Variants in SRSF3 observed in about 807,000 individuals in gnomAD.
SRSF3 encodes the protein serine/arginine-rich splicing factor 3.
For synonymous variants in SRSF3, 87 were observed against 73.6 expected (o/e 1.18, Z -0.93); for missense variants, 58 against 217.1 (o/e 0.27, Z 4.61).
chr6:36,601,878 T>C, intron 5 of SRSF3, 84 bp downstream of exon 5: 1 of 1,593,722 alleles, frequency 6.3e-7, no homozygotes, highest in Non-Finnish European at 8.5e-7. Context: ...TTTTTTACCT[T>C]AAAGTTCTAT....
chr6:36,599,018 G>A (rs369731517), intron 3 of SRSF3, 35 bp downstream of exon 3: 27 of 1,609,894 alleles, frequency 1.7e-5, no homozygotes, highest in Non-Finnish European at 2.0e-5. Context: ...AGGTATTGGT[G>A]TAATGGAGTA....
intron 5 of SRSF3, 68 bp downstream of exon 5, chr6:36,601,862 C>G (rs781624741): frequency 5.6e-6 from 9 of 1,594,124 alleles, no homozygotes; most frequent in Non-Finnish European, 6.8e-6. Context: ...TCTTCTAAGC[C>G]ATAAATTTTT....
intron 2 of SRSF3, 160 bp downstream of exon 2, chr6:36,597,128 ACGAGTCT>A: frequency 3.2e-6 from 2 of 622,760 alleles, no homozygotes; most frequent in Admixed American, 7.1e-5. Context: ...TGGTGGGGAG[ACGAGTCT>A]TGCACTGTCA....
rs188708261 is a variant in SRSF3 at position 36,597,389 on chromosome 6, A to G, written c.206+421A>G. On this transcript the variant is annotated intron_variant, in intron 2 of 5. Coordinates refer to ENST00000373715, the MANE Select transcript of SRSF3 (RefSeq NM_003017.5). ...CCAAAGTGCTGGAATTACAGGTGGG[A>G]GCCACTGTGCCCAGCCAGGATCAAA... 2.4e-3 allele frequency among the ~76,000 whole-genome samples: 359 copies of G among 152,076 alleles called. 2 individuals carry two copies. The highest frequency in any genetic ancestry group is 7.5e-3 in the African/African-American group (311 of 41,458).
intron 3 of SRSF3, chr6:36,600,181 A>T (rs1778690818): frequency 9.4e-7 from 1 of 1,065,844 alleles, no homozygotes; most frequent in African/African-American, 1.7e-5. Flanking sequence ...ACTAAATCCA[A>T]CGCAACATCT....
intron 1 of SRSF3, among the ~76,000 whole-genome samples, chr6:36,595,285 T>A (rs1430912282): frequency 6.6e-6 from 1 of 152,170 alleles, no homozygotes; most frequent in Non-Finnish European, 1.5e-5. Flanking sequence ...CAAATACAAG[T>A]CCGCCAAGGA....
rs199746366 is a variant in SRSF3 at position 36,596,984 on chromosome 6, C to T, written c.206+16C>T. 8.0e-5 allele frequency: 129 copies of T among 1,610,512 alleles called. No individual in the cohort carries two copies. The highest frequency in any genetic ancestry group is 2.7e-4 in the Admixed American group (16 of 59,936). On this transcript the variant is annotated intron_variant, in intron 2 of 5. Transcript: ENST00000373715. ...TAGATGGAAGGTGATTTAATGATTA[C>T]GCTGATAAAAATGTGTTGCTTGTGT...
rs775227806 is a variant in SRSF3, at chr6:36,601,001, C to CTTTTTTTTTTTTTTTTTTTT, written c.342-145_342-126dup. 1.1e-3 allele frequency: 92 copies of CTTTTTTTTTTTTTTTTTTTT among 86,476 alleles called. 18 individuals carry two copies. Among genetic ancestry groups the CTTTTTTTTTTTTTTTTTTTT allele is most frequent in the South Asian group, 2.4e-3 (14 of 5,956 alleles). The allele number at this position is 86,476 out of a possible 1,614,324, so 5.4% of individuals were successfully genotyped here. ...GCCTTTTTTTTCTTTTCTTTTTTTT[C>CTTTTTTTTTTTTTTTTTTTT]TTTTTTTTTTTTTTTTTTTTTTTTT... On this transcript the variant is annotated intron_variant, in intron 3 of 5. Coordinates refer to ENST00000373715, the MANE Select transcript of SRSF3 (RefSeq NM_003017.5).
rs1188070436 is a variant in SRSF3, at chr6:36,603,563, T to A, written c.*1574T>A. The A allele has an allele frequency of 4.4e-6, 1 of 227,930 alleles. No homozygotes were observed. Among genetic ancestry groups the A allele is most frequent in the East Asian group, 6.3e-5 (1 of 15,808 alleles). 14.1% of individuals were successfully genotyped at this position (227,930 alleles called of 1,614,324 possible). On this transcript the variant is annotated 3_prime_UTR_variant, in exon 6 of 6. Transcript: ENST00000373715. ...AATGGATACATTAAGATACAGTTCCTAAACAAATTATTTATTTCCACCTTT... is the reference window on the plus strand; with the variant it reads ...AATGGATACATTAAGATACAGTTCCAAAACAAATTATTTATTTCCACCTTT...
At position 36,603,669 on chromosome 6, in the gene SRSF3, G is replaced by T. The variant is rs949104487; in HGVS notation, c.*1680G>T. On this transcript the variant is annotated 3_prime_UTR_variant, in exon 6 of 6. Coordinates refer to ENST00000373715, the MANE Select transcript of SRSF3 (RefSeq NM_003017.5). ...GTTCAAGAAAGACACTTTTCAGACAGCCTGTTTATTTACTGAGAGCTCTGG... is the reference window on the plus strand; with the variant it reads ...GTTCAAGAAAGACACTTTTCAGACATCCTGTTTATTTACTGAGAGCTCTGG... 4 of 230,420 alleles carry T rather than the reference G, an allele frequency of 1.7e-5. No homozygotes were observed. The highest frequency in any genetic ancestry group is 8.8e-5 in the African/African-American group (4 of 45,198). 14.3% of individuals were successfully genotyped at this position (230,420 alleles called of 1,614,324 possible).
At chr6:36,601,324 G>C in intron 4 of SRSF3, 134 bp downstream of exon 4, 1 of 845,458 alleles carries the variant, frequency 1.2e-6, no homozygotes, top group Admixed American at 2.8e-5. Flanking sequence ...GGATGAGTCA[G>C]CTTTCTTTGA....
chr6:36,599,114 G>C, intron 3 of SRSF3, 131 bp downstream of exon 3: 1 of 1,157,496 alleles, frequency 8.6e-7, no homozygotes, highest in African/African-American at 1.6e-5. Flanking sequence ...ACATTTGTTG[G>C]GTGTAATTTG....
intron 3 of SRSF3, chr6:36,600,231 C>T: frequency 1.9e-6 from 2 of 1,055,064 alleles, no homozygotes; most frequent in Non-Finnish European, 2.3e-6. Context: ...GCCGTCAGTC[C>T]GGCAGCCTCA....
Position 36,596,738 on chromosome 6 carries a change from A to G in SRSF3, c.-2-23A>G, listed in dbSNP as rs967781018. On this transcript the variant is annotated intron_variant, in intron 1 of 5. Transcript: ENST00000373715. ...ACTGTAGATGTTTAGATGAATGAATATTTTTGGTATTTTTCATTACAGAAA... is the reference window on the plus strand; with the variant it reads ...ACTGTAGATGTTTAGATGAATGAATGTTTTTGGTATTTTTCATTACAGAAA... 5.0e-6 allele frequency: 8 copies of G among 1,602,838 alleles called. No individual in the cohort carries two copies. In the African/African-American group the frequency reaches 6.7e-5, roughly 13 times the overall value.
At chr6:36,595,885 T>TA (rs1342051489) in intron 1 of SRSF3, among the ~76,000 whole-genome samples, 1 of 152,214 alleles carries the variant, frequency 6.6e-6, no homozygotes. Context: ...CTTGTTCCTA[T>TA]AGTTCCAAAT....
chr6:36,599,128 T>A (rs1181937035), intron 3 of SRSF3, 145 bp downstream of exon 3: 11 of 1,029,488 alleles, frequency 1.1e-5, no homozygotes, highest in Non-Finnish European at 1.2e-5. Flanking sequence ...TAATTTGGGG[T>A]ATGTGAGTTG....
At chr6:36,595,346 AT>A (rs1778608995) in intron 1 of SRSF3, among the ~76,000 whole-genome samples, 1 of 152,240 alleles carries the variant, frequency 6.6e-6, no homozygotes. Context: ...AGTAGCAAAT[AT>A]CTCTTTGTAA....
chr6:36,597,659 C>T (rs563557630), intron 2 of SRSF3, among the ~76,000 whole-genome samples: 37 of 151,944 alleles, frequency 2.4e-4, no homozygotes, highest in Non-Finnish European at 3.7e-4. Context: ...GCTGAGTGTT[C>T]ACTGTAAAGC....
chr6:36,601,009 T>TTTG, intron 3 of SRSF3, 143 bp from the exon 4 acceptor site: 1 of 291,116 alleles, frequency 3.4e-6, no homozygotes, highest in Non-Finnish European at 5.7e-6. Flanking sequence ...TTCTTTTTTT[T>TTTG]TTTTTTTTTT....
Sources: allele counts gnomAD v4.1 joint callset (sites outside exome capture counted in the v4.1 genomes callset), GRCh38; gene constraint gnomAD v4.1.1; transcripts MANE v1.5; gene names NCBI Gene and HGNC (gene_info 2026-07-23, HGNC 2026-07-21).